The following SPHKAP variants were observed in gnomAD, a reference collection of about 807,000 sequenced individuals.
SPHKAP encodes A-kinase anchor protein SPHKAP.
In SPHKAP, 67 loss-of-function variants were observed where a neutral mutation model predicts 137.5. The ratio of observed to expected loss-of-function variants is 0.49; its 90% CI spans 0.40 to 0.60. The LOEUF (loss-of-function observed/expected upper bound fraction) is 0.60, where lower values mean the gene tolerates loss of function less well. Among genes scored for constraint, SPHKAP ranks in the 20% least tolerant of loss-of-function variants. The pLI, the probability that SPHKAP is intolerant of heterozygous loss-of-function variation, is 0.00. For missense variants in SPHKAP, 2,097 were observed against 2,069.3 expected (o/e 1.01, Z -0.26); for synonymous variants, 813 against 785.3 (o/e 1.04, Z -0.59).
At chr2:228,167,421 C>G (rs11674594) in intron 1 of SPHKAP, among the ~76,000 whole-genome samples, 13,808 of 152,060 alleles carry the variant, frequency 0.091, 807 homozygotes, top group East Asian at 0.2. Flanking sequence ...TATATTGAAG[C>G]ACTGTTGATT....
chr2:228,033,148 G>C (rs896314035), intron 3 of SPHKAP, among the ~76,000 whole-genome samples: 3 of 152,050 alleles, frequency 2.0e-5, no homozygotes, highest in Admixed American at 6.5e-5. Flanking sequence ...CACGTGCAGA[G>C]ACACACATAG....
intron 11 of SPHKAP, among the ~76,000 whole-genome samples, chr2:227,988,693 A>T (rs756718206): frequency 6.6e-6 from 1 of 152,028 alleles, no homozygotes; most frequent in Non-Finnish European, 1.5e-5. Context: ...CTCCTCTTTC[A>T]TTTTCCCATG....
chr2:228,161,531 A>G (rs1574908739), intron 1 of SPHKAP, among the ~76,000 whole-genome samples: 1 of 152,154 alleles, frequency 6.6e-6, no homozygotes, highest in Admixed American at 6.5e-5. Context: ...AGGGAGGGGA[A>G]CAATACACAC....
intron 7 of SPHKAP, among the ~76,000 whole-genome samples, chr2:228,001,028 C>T (rs1005467290): frequency 6.6e-6 from 1 of 152,038 alleles, no homozygotes; most frequent in African/African-American, 2.4e-5. Flanking sequence ...TTCTGTTGCT[C>T]CACATCTTTG....
At chr2:228,134,997 G>A (rs569153334) in intron 1 of SPHKAP, among the ~76,000 whole-genome samples, 6 of 152,244 alleles carry the variant, frequency 3.9e-5, no homozygotes, top group East Asian at 1.9e-4. Flanking sequence ...CTTCAAGGCC[G>A]GGTGCAGTGG....
intron 3 of SPHKAP, among the ~76,000 whole-genome samples, chr2:228,043,259 A>G (rs1695917125): frequency 6.6e-6 from 1 of 152,188 alleles, no homozygotes; most frequent in Non-Finnish European, 1.5e-5. Context: ...TCTCAACACA[A>G]TGTATGAAAG....
Position 228,158,326 on chromosome 2 carries a change from C to CTTTTTT in SPHKAP, c.32+23235_32+23240dup, listed in dbSNP as rs55897294. ...AATTGTAATTGTAATTTACTTCTTT[C>CTTTTTT]TTTTTTTTTTTTTTTTTAGCACAGT... On this transcript the variant is annotated intron_variant, in intron 1 of 11. Coordinates refer to ENST00000392056, the MANE Select transcript of SPHKAP (RefSeq NM_001142644.2). Among the ~76,000 whole-genome samples, 727 of 133,028 alleles carry CTTTTTT rather than the reference C, an allele frequency of 5.5e-3. 15 individuals are homozygous for CTTTTTT. The highest frequency in any genetic ancestry group is 0.014 in the African/African-American group (488 of 36,000). The allele number at this position is 133,028 out of a possible 152,430, so 87.3% of individuals were successfully genotyped here. A position where few individuals can be genotyped will look rare whatever the true frequency, so the allele number is the denominator to read the frequency against.
rs7585347 is a variant in SPHKAP at position 228,102,533 on chromosome 2, C to T, written c.246+6299G>A. ...CTACCTACAACCATAAGATCTAATTCGGAGTCCATTTTAAATAAAAATAAA... is the reference window on the plus strand; with the variant it reads ...CTACCTACAACCATAAGATCTAATTTGGAGTCCATTTTAAATAAAAATAAA... On this transcript the variant is annotated intron_variant, in intron 3 of 11. Coordinates refer to ENST00000392056, the MANE Select transcript of SPHKAP (RefSeq NM_001142644.2). Among the ~76,000 whole-genome samples the T allele has an allele frequency of 3.7e-3, 558 of 152,176 alleles. 4 individuals are homozygous for T. Among genetic ancestry groups the T allele is most frequent in the African/African-American group, 0.013 (533 of 41,510 alleles).
chr2:228,143,667 T>G (rs1227380135), intron 1 of SPHKAP, among the ~76,000 whole-genome samples: 56 of 143,632 alleles, frequency 3.9e-4, no homozygotes, highest in African/African-American at 1.3e-3. Flanking sequence ...CACCTGGCTT[T>G]TTTTTTTTTT....
intron 3 of SPHKAP, among the ~76,000 whole-genome samples, chr2:228,102,048 T>C (rs185269429): frequency 6.6e-6 from 1 of 152,362 alleles, no homozygotes; most frequent in African/African-American, 2.4e-5. Context: ...TTACTCAAAA[T>C]AAATGGTATA....
chr2:228,135,823 A>G (rs1699423485), intron 1 of SPHKAP, among the ~76,000 whole-genome samples: 1 of 152,226 alleles, frequency 6.6e-6, no homozygotes. Context: ...GACAAGTGTA[A>G]TGCAACTTCA....
At chr2:227,989,512 A>C (rs1693333862) in intron 11 of SPHKAP, among the ~76,000 whole-genome samples, 1 of 152,188 alleles carries the variant, frequency 6.6e-6, no homozygotes, top group Non-Finnish European at 1.5e-5. Flanking sequence ...ATAGGATGCG[A>C]TATCATGCCC....
At chr2:228,172,905 G>T in intron 1 of SPHKAP, 1 of 390,242 alleles carries the variant, frequency 2.6e-6, no homozygotes, top group Non-Finnish European at 3.5e-6. Flanking sequence ...CTTTGCATTG[G>T]CCAAATCATA....
intron 2 of SPHKAP, among the ~76,000 whole-genome samples, chr2:228,111,768 T>G (rs1272049859): frequency 6.6e-6 from 1 of 152,156 alleles, no homozygotes; most frequent in Non-Finnish European, 1.5e-5. Context: ...CAGAGAGATA[T>G]GAATTTCTGC....
At chr2:227,981,959 G>T (rs1693012001) in intron 11 of SPHKAP, 99 bp from the exon 12 acceptor site, 1 of 1,430,732 alleles carries the variant, frequency 7.0e-7, no homozygotes, top group Non-Finnish European at 9.2e-7. Flanking sequence ...TCCAGTCTCT[G>T]TTTAAATGTC....
chr2:228,172,084 T>A, intron 1 of SPHKAP, among the ~76,000 whole-genome samples: 1 of 152,160 alleles, frequency 6.6e-6, no homozygotes, highest in East Asian at 1.9e-4. Flanking sequence ...TTTAAGAATG[T>A]ATAATATATA....
In SPHKAP at chr2:228,017,170, C is replaced by T; in HGVS notation, c.3684G>A (p.Leu1228=). 6.2e-7 allele frequency: 1 copy of T among 1,613,866 alleles called. No homozygotes were observed. The highest frequency in any genetic ancestry group is 1.3e-5 in the African/African-American group (1 of 75,010). The change falls in exon 7 of 12, where the codon CTG becomes CTA. Residue 1228 remains leucine (L), a synonymous_variant. Transcript: ENST00000392056. ...DWTAGLLSPS[L]RSPVCHRQSS... is the part of the protein sequence containing the mutation. ...ACTGTCTGTGGCACACTGGGGATCGCAGAGAAGGAGACAGCAGGCCGGCTG... is the reference window on the plus strand; with the variant it reads ...ACTGTCTGTGGCACACTGGGGATCGTAGAGAAGGAGACAGCAGGCCGGCTG...
In SPHKAP at chr2:228,051,693, G is replaced by C. The variant is rs181378348; in HGVS notation, c.247-24150C>G. Among the ~76,000 whole-genome samples, 560 of 152,286 alleles carry C rather than the reference G, an allele frequency of 3.7e-3. 2 individuals are homozygous for C. Among genetic ancestry groups the C allele is most frequent in the African/African-American group, 0.013 (526 of 41,558 alleles). ...TTGATTCTTGTCTTAGTCTGTTCAG[G>C]CTGCTATAACACAATACCTTACACT... On this transcript the variant is annotated intron_variant, in intron 3 of 11. Transcript: ENST00000392056.
chr2:228,153,265 T>A (rs1699994457), intron 1 of SPHKAP, among the ~76,000 whole-genome samples: 1 of 152,244 alleles, frequency 6.6e-6, no homozygotes, highest in African/African-American at 2.4e-5. Context: ...CAGGTTATTA[T>A]TAATATTGTT....
Sources: allele counts gnomAD v4.1 joint callset (sites outside exome capture counted in the v4.1 genomes callset), GRCh38; gene constraint gnomAD v4.1.1; transcripts MANE v1.5; gene names NCBI Gene and HGNC (gene_info 2026-07-23, HGNC 2026-07-21).